OPCML: variants seen among roughly 807,000 people sequenced by gnomAD.
OPCML encodes opioid binding protein/cell adhesion molecule like.
Under a neutral mutation model 37.8 loss-of-function variants are expected in OPCML, and 13 were observed. That is an observed-to-expected ratio of 0.34 (90% CI 0.22 to 0.55). OPCML has a LOEUF of 0.55. Among genes scored for constraint, OPCML ranks in the 20% least tolerant of loss-of-function variants. The pLI, the probability that OPCML is intolerant of heterozygous loss-of-function variation, is 0.91. For missense variants in OPCML, 341 were observed against 435.6 expected, an observed-to-expected ratio of 0.78 and a Z score of 1.93; for synonymous variants, 176 against 168.8, an observed-to-expected ratio of 1.04 and a Z score of -0.33.
intron 1 of OPCML, among the ~76,000 whole-genome samples, chr11:133,508,784 A>G (rs1412737495): frequency 6.6e-6 from 1 of 152,118 alleles, no homozygotes; most frequent in Non-Finnish European, 1.5e-5. Context: ...CTGGGTGCGC[A>G]CCAAACAGCA....
intron 1 of OPCML, among the ~76,000 whole-genome samples, chr11:133,331,871 A>G (rs1943626519): frequency 6.6e-6 from 1 of 152,036 alleles, no homozygotes; most frequent in South Asian, 2.1e-4. Flanking sequence ...TACTTTTTCC[A>G]TTAAAAAAAT....
intron 1 of OPCML, among the ~76,000 whole-genome samples, chr11:133,123,599 C>T (rs888069001): frequency 4.6e-5 from 7 of 152,224 alleles, no homozygotes; most frequent in Middle Eastern, 3.4e-3. Flanking sequence ...GCCATCTGGT[C>T]AGCCCGGCAT....
intron 1 of OPCML, chr11:133,418,243 G>T: frequency 1.0e-6 from 1 of 985,372 alleles, no homozygotes; most frequent in Non-Finnish European, 1.2e-6. Flanking sequence ...TTTTTAAGAA[G>T]GCCAAGTACA....
chr11:133,032,054 A>T (rs1172323817), intron 1 of OPCML, among the ~76,000 whole-genome samples: 1 of 152,190 alleles, frequency 6.6e-6, no homozygotes, highest in Non-Finnish European at 1.5e-5. Flanking sequence ...AGATGGTGAA[A>T]GGTGGCTAGA....
chr11:132,781,601 T>TACAC (rs139359164), intron 2 of OPCML, among the ~76,000 whole-genome samples: 28,401 of 146,276 alleles, frequency 0.19, 3,579 homozygotes, highest in Non-Finnish European at 0.3. Context: ...CACATATACA[T>TACAC]ACACACACAC....
chr11:132,960,441 G>A (rs564887456), intron 1 of OPCML, among the ~76,000 whole-genome samples: 1 of 152,282 alleles, frequency 6.6e-6, no homozygotes, highest in East Asian at 1.9e-4. Context: ...GGCCAGGAGC[G>A]GGGACTGCGG....
Position 133,140,805 on chromosome 11 carries a change from A to C in OPCML, c.62-197795T>G, listed in dbSNP as rs568903054. Reference sequence around the variant, plus strand: ...AAGACGACGAAGAAGAAGAAGAAGAAGACGACGACGAAGAAGAAGACGACG... The same window carrying C: ...AAGACGACGAAGAAGAAGAAGAAGACGACGACGACGAAGAAGAAGACGACG... On this transcript the variant is annotated intron_variant, in intron 1 of 7. Transcript: ENST00000524381. Among the ~76,000 whole-genome samples, 139 of 130,866 alleles carry C rather than the reference A, an allele frequency of 1.1e-3. 17 individuals carry two copies. Among genetic ancestry groups the C allele is most frequent in the African/African-American group, 3.2e-3 (108 of 33,910 alleles). 85.9% of individuals were successfully genotyped at this position (130,866 alleles called of 152,430 possible).
At chr11:133,198,249 T>A (rs1938615943) in intron 1 of OPCML, among the ~76,000 whole-genome samples, 1 of 152,216 alleles carries the variant, frequency 6.6e-6, no homozygotes, top group South Asian at 2.1e-4. Flanking sequence ...AGTGGGGAGA[T>A]GTGTTTTCAT....
intron 1 of OPCML, among the ~76,000 whole-genome samples, chr11:133,123,995 T>C (rs967133370): frequency 6.6e-6 from 1 of 151,940 alleles, no homozygotes; most frequent in Non-Finnish European, 1.5e-5. Flanking sequence ...GTTTTGTCAC[T>C]ATCCTTCAAC....
intron 1 of OPCML, among the ~76,000 whole-genome samples, chr11:133,314,219 C>T (rs760570950): frequency 3.7e-5 from 4 of 107,828 alleles, no homozygotes; most frequent in Admixed American, 2.8e-4. Context: ...TGGGCTACAG[C>T]GAGACTCCGT....
At chr11:132,826,850 CAA>C (rs1239961676) in intron 2 of OPCML, among the ~76,000 whole-genome samples, 5 of 152,144 alleles carry the variant, frequency 3.3e-5, no homozygotes, top group Non-Finnish European at 7.3e-5. Context: ...TGAATACACA[CAA>C]AGAGTATTTA....
At chr11:133,284,584 G>A (rs1434905990) in intron 1 of OPCML, among the ~76,000 whole-genome samples, 1 of 152,168 alleles carries the variant, frequency 6.6e-6, no homozygotes, top group African/African-American at 2.4e-5. Flanking sequence ...GAGAAACTGG[G>A]ATACTGGGAA....
chr11:133,031,235 G>A (rs1052570420), intron 1 of OPCML, among the ~76,000 whole-genome samples: 18 of 151,826 alleles, frequency 1.2e-4, no homozygotes. Context: ...GCATTGATGG[G>A]TGGATAGATG....
chr11:132,619,335 C>T (rs1487295217), intron 3 of OPCML, among the ~76,000 whole-genome samples: 1 of 152,144 alleles, frequency 6.6e-6, no homozygotes, highest in East Asian at 1.9e-4. Flanking sequence ...ATCTCTCTTC[C>T]TATTGGACCT....
chr11:132,520,682 G>GTGTGTGTA (rs1206435391), intron 4 of OPCML, among the ~76,000 whole-genome samples: 1 of 145,178 alleles, frequency 6.9e-6, no homozygotes, highest in Non-Finnish European at 1.5e-5. Flanking sequence ...ATATGTGTGT[G>GTGTGTGTA]TGTGTGTGTG....
intron 2 of OPCML, among the ~76,000 whole-genome samples, chr11:132,716,721 C>T (rs1268314836): frequency 3.9e-5 from 6 of 152,134 alleles, no homozygotes; most frequent in African/African-American, 7.2e-5. Context: ...ACTCTGAAGT[C>T]TAATTCCATA....
At chr11:133,479,682 C>A (rs755278299) in intron 1 of OPCML, among the ~76,000 whole-genome samples, 1 of 152,184 alleles carries the variant, frequency 6.6e-6, no homozygotes, top group Non-Finnish European at 1.5e-5. Flanking sequence ...GTGGGGTCCT[C>A]ACCCATTTGG....
intron 4 of OPCML, among the ~76,000 whole-genome samples, chr11:132,502,718 G>A (rs773459897): frequency 1.3e-5 from 2 of 152,128 alleles, no homozygotes; most frequent in Non-Finnish European, 2.9e-5. Flanking sequence ...ATTTAAATGT[G>A]AAAATGGCTG....
At chr11:132,831,911 C>T (rs1037808699) in intron 2 of OPCML, among the ~76,000 whole-genome samples, 2 of 152,060 alleles carry the variant, frequency 1.3e-5, no homozygotes, top group Non-Finnish European at 2.9e-5. Context: ...CAGTGCACCT[C>T]CTGTCTTCCC....
Sources: allele counts gnomAD v4.1 joint callset (sites outside exome capture counted in the v4.1 genomes callset), GRCh38; gene constraint gnomAD v4.1.1; transcripts MANE v1.5; gene names NCBI Gene and HGNC (gene_info 2026-07-23, HGNC 2026-07-21).